Variants in FOXK1 observed in about 807,000 individuals in gnomAD.
FOXK1 encodes the protein forkhead box K1, also known as forkhead box protein K1.
A neutral mutation model predicts 51.9 loss-of-function variants in FOXK1; 19 were observed. That is an observed-to-expected ratio of 0.37 (90% CI 0.26 to 0.54). The LOEUF is 0.54. FOXK1 is among the 20% of genes least tolerant of loss of function. The probability of loss-of-function intolerance (pLI) is 0.87; values close to 1 mark genes in which losing one functional copy is unlikely to be tolerated. For missense variants in FOXK1, 870 were observed against 1,032.7 expected (o/e 0.84, Z 2.16); for synonymous variants, 537 against 482.6 (o/e 1.11, Z -1.48).
chr7:4,759,623 G>A (rs1029728126), intron 7 of FOXK1, 28 bp downstream of exon 7: 15 of 1,522,430 alleles, frequency 9.9e-6, no homozygotes, highest in South Asian at 1.2e-5. Flanking sequence ...GGCAGCCTTC[G>A]CAGGACCCTT....
chr7:4,687,569 C>T (rs1301933665), intron 1 of FOXK1, among the ~76,000 whole-genome samples: 1 of 152,162 alleles, frequency 6.6e-6, no homozygotes, highest in Non-Finnish European at 1.5e-5. Flanking sequence ...GCTAGGATGA[C>T]AGGCGTGAGC....
rs1306506278 is a variant in FOXK1 at position 4,723,691 on chromosome 7, A to T, written c.561-17147A>T. ...CTACCAATGTTTGTTTATTTGAGAT[A>T]GGGTCTTGCTCTGTCTCCCAGGCTG... On this transcript the variant is annotated intron_variant, in intron 1 of 8. Coordinates refer to ENST00000328914, the MANE Select transcript of FOXK1 (RefSeq NM_001037165.2). This position sits in a 1 kb window ranked among gnomAD's most constrained non-coding sequence, Gnocchi z 4.7. Among the ~76,000 whole-genome samples the T allele has an allele frequency of 6.6e-6, 1 of 152,318 alleles. No individual in the cohort carries two copies. The highest frequency in any genetic ancestry group is 2.1e-4 in the South Asian group (1 of 4,828).
chr7:4,764,642 C>G lies in FOXK1; in HGVS notation c.*2178C>G, dbSNP rs932536775. On this transcript the variant is annotated 3_prime_UTR_variant, in exon 9 of 9. Coordinates refer to ENST00000328914, the MANE Select transcript of FOXK1 (RefSeq NM_001037165.2). Reference sequence around the variant, plus strand: ...CCGGCGCCCTCCCGGGAGCGCCCGTCACGGGGGGCCTCTGTGATTACCTGC... The same window carrying G: ...CCGGCGCCCTCCCGGGAGCGCCCGTGACGGGGGGCCTCTGTGATTACCTGC... 1.3e-5 allele frequency: 2 copies of G among 152,554 alleles called. No homozygotes were observed. The highest frequency in any genetic ancestry group is 4.8e-5 in the African/African-American group (2 of 41,432). 9.5% of individuals were successfully genotyped at this position (152,554 alleles called of 1,614,324 possible). A position where few individuals can be genotyped will look rare whatever the true frequency, so the allele number is the denominator to read the frequency against.
rs1474863383 is a variant in FOXK1, at chr7:4,731,745, C to A, written c.561-9093C>A. ...CTGCACTCCAGCCTGGGCAACAAAGCGAAACTCTGCCTCAAAAAAAAAAAA... is the reference window on the plus strand; with the variant it reads ...CTGCACTCCAGCCTGGGCAACAAAGAGAAACTCTGCCTCAAAAAAAAAAAA... On this transcript the variant is annotated intron_variant, in intron 1 of 8. Coordinates refer to ENST00000328914, the MANE Select transcript of FOXK1 (RefSeq NM_001037165.2). This position sits in a 1 kb window ranked among gnomAD's most constrained non-coding sequence, Gnocchi z 5.3. Among the ~76,000 whole-genome samples the A allele has an allele frequency of 7.4e-6, 1 of 135,402 alleles. No homozygotes were observed. The highest frequency in any genetic ancestry group is 1.5e-5 in the Non-Finnish European group (1 of 64,944). The allele number at this position is 135,402 out of a possible 152,430, so 88.8% of individuals were successfully genotyped here.
Position 4,747,771 on chromosome 7 carries a change from C to T in FOXK1, c.747-6688C>T, listed in dbSNP as rs911814172. ...TCCTGAACTCCTGGCCTCAAGCAGT[C>T]TTCCCACCTTGACCTCCCAAAGTGC... On this transcript the variant is annotated intron_variant, in intron 2 of 8. Coordinates refer to ENST00000328914, the MANE Select transcript of FOXK1 (RefSeq NM_001037165.2). This position sits in a 1 kb window ranked among gnomAD's most constrained non-coding sequence, Gnocchi z 9.2. 6.6e-6 allele frequency among the ~76,000 whole-genome samples: 1 copy of T among 152,176 alleles called. No individual in the cohort carries two copies. Among genetic ancestry groups the T allele is most frequent in the African/African-American group, 2.4e-5 (1 of 41,434 alleles).
rs1780170190 is a variant in FOXK1 at position 4,711,245 on chromosome 7, T to TG, written c.560+28382dup. On this transcript the variant is annotated intron_variant, in intron 1 of 8. Transcript: ENST00000328914. This position sits in a 1 kb window ranked among gnomAD's most constrained non-coding sequence, Gnocchi z 6.3. ...GTGTGCCCTCCTGGGTCCCGACACCTGGGGGTGTTTTCACAGGGTGGGAAG... is the reference window on the plus strand; with the variant it reads ...GTGTGCCCTCCTGGGTCCCGACACCTGGGGGGTGTTTTCACAGGGTGGGAAG... Among the ~76,000 whole-genome samples, 1 of 152,058 alleles carries TG rather than the reference T, an allele frequency of 6.6e-6. No homozygotes were observed. Among genetic ancestry groups the TG allele is most frequent in the Admixed American group, 6.5e-5 (1 of 15,270 alleles).
chr7:4,689,570 T>C (rs954847904), intron 1 of FOXK1, among the ~76,000 whole-genome samples: 2 of 152,198 alleles, frequency 1.3e-5, no homozygotes, highest in African/African-American at 4.8e-5. Flanking sequence ...ACGTCGCATG[T>C]TACCTGTCTG....
At chr7:4,724,140 G>A (rs1395066998) in intron 1 of FOXK1, among the ~76,000 whole-genome samples, 6 of 152,138 alleles carry the variant, frequency 3.9e-5, no homozygotes, top group Non-Finnish European at 7.3e-5. Context: ...CAAGACCTCC[G>A]TGCTCCCAGC....
intron 7 of FOXK1, 117 bp from the exon 8 acceptor site, chr7:4,760,947 T>C: frequency 1.1e-6 from 1 of 904,064 alleles, no homozygotes; most frequent in Non-Finnish European, 1.8e-6. Context: ...CTAGCAAACC[T>C]ATTTTTTCCC....
At chr7:4,684,893 T>TTG (rs1779799473) in intron 1 of FOXK1, among the ~76,000 whole-genome samples, 1 of 152,030 alleles carries the variant, frequency 6.6e-6, no homozygotes, top group Non-Finnish European at 1.5e-5. Context: ...AATAGGCCAG[T>TTG]AGCAAGCCTG....
At chr7:4,696,938 T>C (rs1276612445) in intron 1 of FOXK1, among the ~76,000 whole-genome samples, 1 of 152,086 alleles carries the variant, frequency 6.6e-6, no homozygotes, top group Non-Finnish European at 1.5e-5. Flanking sequence ...CATGGTGGTG[T>C]GCTCCTGTAG....
In FOXK1 at chr7:4,683,025, GT is replaced by G. The variant is rs1216323525; in HGVS notation, c.560+158del. Reference sequence around the variant, plus strand: ...ACCCCCGACCGGCCTGGACTCCGGGGTCAACCCCGACCCCCGCCTCCTGGCT... The same window carrying G: ...ACCCCCGACCGGCCTGGACTCCGGGGCAACCCCGACCCCCGCCTCCTGGCT... On this transcript the variant is annotated intron_variant, in intron 1 of 8. Coordinates refer to ENST00000328914, the MANE Select transcript of FOXK1 (RefSeq NM_001037165.2). This position sits in a 1 kb window ranked among gnomAD's most constrained non-coding sequence, Gnocchi z 4.5. 6.7e-6 allele frequency among the ~76,000 whole-genome samples: 1 copy of G among 149,280 alleles called. No individual in the cohort carries two copies. Among genetic ancestry groups the G allele is most frequent in the Non-Finnish European group, 1.5e-5 (1 of 66,976 alleles).
At chr7:4,694,379 G>A (rs1417244021) in intron 1 of FOXK1, among the ~76,000 whole-genome samples, 3 of 152,032 alleles carry the variant, frequency 2.0e-5, no homozygotes, top group Non-Finnish European at 4.4e-5. Context: ...ACTCTTGGAG[G>A]AAATTTCTCT....
chr7:4,702,748 C>T (rs774852371), intron 1 of FOXK1, among the ~76,000 whole-genome samples: 9 of 152,152 alleles, frequency 5.9e-5, no homozygotes, highest in East Asian at 1.9e-4. Context: ...CTGGAAAGAC[C>T]GCTTCATAGG....
chr7:4,711,811 C>T lies in FOXK1; in HGVS notation c.560+28943C>T, dbSNP rs543165639. On this transcript the variant is annotated intron_variant, in intron 1 of 8. Transcript: ENST00000328914. This position sits in a 1 kb window ranked among gnomAD's most constrained non-coding sequence, Gnocchi z 6.3. The stretch of plus-strand genomic sequence containing the variant: ...GATGCCACGGACCGTAGAGAAGCAA[C>T]GCAAGGTCAGAGAGAAAAGATTGCG... Among the ~76,000 whole-genome samples, 6 of 152,274 alleles carry T rather than the reference C, an allele frequency of 3.9e-5. No homozygotes were observed. The highest frequency in any genetic ancestry group is 1.9e-4 in the East Asian group (1 of 5,184).
At chr7:4,714,676 CT>C (rs1391542955) in intron 1 of FOXK1, among the ~76,000 whole-genome samples, 4 of 152,214 alleles carry the variant, frequency 2.6e-5, no homozygotes, top group Non-Finnish European at 5.9e-5. Context: ...CAAGGCTCAT[CT>C]TAAGGATTTT....
At chr7:4,714,896 G>A (rs1780215656) in intron 1 of FOXK1, among the ~76,000 whole-genome samples, 1 of 152,160 alleles carries the variant, frequency 6.6e-6, no homozygotes, top group African/African-American at 2.4e-5. Context: ...GCTGCGATGA[G>A]CATCATGCTT....
At position 4,705,550 on chromosome 7, in the gene FOXK1, TCTCTCTCTCG is replaced by T. The variant is rs764902142; in HGVS notation, c.560+22688_560+22697del. Among the ~76,000 whole-genome samples, 16 of 149,374 alleles carry T rather than the reference TCTCTCTCTCG, an allele frequency of 1.1e-4. No homozygotes were observed. In the South Asian group the frequency reaches 1.5e-3, roughly 14 times the overall value. On this transcript the variant is annotated intron_variant, in intron 1 of 8. Coordinates refer to ENST00000328914, the MANE Select transcript of FOXK1 (RefSeq NM_001037165.2). Reference sequence around the variant, plus strand: ...CTCTCTCTCTCTCTCTCTCTCTCTCTCTCTCTCTCGCTCTCGCTCTCTCGTCGCCAGGCTG... The same window carrying T: ...CTCTCTCTCTCTCTCTCTCTCTCTCTCTCTCGCTCTCTCGTCGCCAGGCTG...
chr7:4,700,961 C>T (rs923738472), intron 1 of FOXK1, among the ~76,000 whole-genome samples: 4 of 152,178 alleles, frequency 2.6e-5, no homozygotes, highest in East Asian at 3.8e-4. Flanking sequence ...ATGTCAGAAG[C>T]GGAGGTTGTT....
Sources: allele counts gnomAD v4.1 joint callset (sites outside exome capture counted in the v4.1 genomes callset), GRCh38; gene constraint gnomAD v4.1.1; non-coding constraint Gnocchi (gnomAD v3.1); transcripts MANE v1.5; gene names NCBI Gene and HGNC (gene_info 2026-07-23, HGNC 2026-07-21).